PCDHA5: variants seen among roughly 807,000 people sequenced by gnomAD.
The protein encoded by PCDHA5 is protocadherin alpha-5.
Under a neutral mutation model 61.6 loss-of-function variants are expected in PCDHA5, and 43 were observed. The ratio of observed to expected loss-of-function variants is 0.70; its 90% confidence interval spans 0.55 to 0.90. PCDHA5 has a LOEUF of 0.90. PCDHA5 is among the 40% of genes least tolerant of loss of function. PCDHA5 has a pLI of 0.00. For synonymous variants in PCDHA5, 627 were observed against 543.9 expected (o/e 1.15, Z -2.13); for missense variants, 1,298 against 1,222.7 (o/e 1.06, Z -0.92).
At chr5:140,884,864 T>C (rs1048751495) in intron 1 of PCDHA5, among the ~76,000 whole-genome samples, 1 of 152,234 alleles carries the variant, frequency 6.6e-6, no homozygotes, top group African/African-American at 2.4e-5. Flanking sequence ...TCACAAACCA[T>C]AATGAAATGT....
intron 1 of PCDHA5, chr5:140,859,970 T>C (rs894279399): frequency 6.6e-6 from 1 of 152,018 alleles, no homozygotes; most frequent in Non-Finnish European, 1.5e-5. Context: ...GTCTCAGGTA[T>C]ACAAGTGCAT....
At chr5:140,998,210 A>G (rs2097801454) in intron 3 of PCDHA5, among the ~76,000 whole-genome samples, 1 of 152,218 alleles carries the variant, frequency 6.6e-6, no homozygotes, top group South Asian at 2.1e-4. Flanking sequence ...TTTAATCTGT[A>G]TAACCACACC....
At chr5:140,887,157 C>T (rs1200573671) in intron 1 of PCDHA5, among the ~76,000 whole-genome samples, 4 of 151,110 alleles carry the variant, frequency 2.6e-5, no homozygotes, top group African/African-American at 9.7e-5. Flanking sequence ...AGTACAGTGG[C>T]GTGATCTCGG....
intron 1 of PCDHA5, chr5:140,843,047 G>T (rs2150350980): frequency 1.9e-6 from 3 of 1,594,938 alleles, no homozygotes; most frequent in Non-Finnish European, 2.6e-6. Flanking sequence ...CACTGGTGGC[G>T]CAGCGAGCAA....
intron 1 of PCDHA5, chr5:140,835,766 G>C: frequency 6.2e-7 from 1 of 1,613,388 alleles, no homozygotes. Flanking sequence ...CCGAGTATAC[G>C]GTGTTCGTGA....
chr5:140,941,214 C>CTTCTTTCTTT (rs1554214039), intron 1 of PCDHA5, among the ~76,000 whole-genome samples: 1 of 122,414 alleles, frequency 8.2e-6, no homozygotes, highest in Admixed American at 8.5e-5. Context: ...TTTCTTTCTT[C>CTTCTTTCTTT]CTTTCTTTCT....
chr5:140,933,166 T>C (rs1447932546), intron 1 of PCDHA5, among the ~76,000 whole-genome samples: 1 of 152,002 alleles, frequency 6.6e-6, no homozygotes, highest in African/African-American at 2.4e-5. Context: ...CCAATTTTAA[T>C]TGATGGCATA....
intron 1 of PCDHA5, among the ~76,000 whole-genome samples, chr5:140,833,361 T>G (rs1376018154): frequency 1.3e-5 from 2 of 152,142 alleles, no homozygotes; most frequent in African/African-American, 2.4e-5. Flanking sequence ...ACGAACACAG[T>G]AAGGTAGATC....
rs782226254 is a variant in PCDHA5 at position 140,882,345 on chromosome 5, C to T, written c.2352+58218C>T. The T allele has an allele frequency of 6.8e-6, 11 of 1,614,042 alleles. No homozygotes were observed. In the Admixed American group the frequency reaches 1.5e-4, roughly 22 times the overall value. Reference sequence around the variant, plus strand: ...CTTCTGATCCTCGCAGCCTGGGAGACGGGTAGTGGCCAGCTCCACTACTCC... The same window carrying T: ...CTTCTGATCCTCGCAGCCTGGGAGATGGGTAGTGGCCAGCTCCACTACTCC... On this transcript the variant is annotated intron_variant, in intron 1 of 3. Transcript: ENST00000529859.
intron 1 of PCDHA5, chr5:140,968,319 TCAC>T: frequency 6.2e-7 from 1 of 1,613,996 alleles, no homozygotes; most frequent in East Asian, 2.2e-5. Flanking sequence ...GGGCTGCCAG[TCAC>T]CTCCTATGTC....
At chr5:140,836,828 T>G in intron 1 of PCDHA5, 1 of 958,012 alleles carries the variant, frequency 1.0e-6, no homozygotes, top group Non-Finnish European at 1.5e-6. Context: ...TCTTTTTTAG[T>G]TGATAGCTTT....
intron 1 of PCDHA5, among the ~76,000 whole-genome samples, chr5:140,878,696 A>G (rs570754583): frequency 6.6e-6 from 1 of 152,360 alleles, no homozygotes; most frequent in East Asian, 1.9e-4. Context: ...TACATACCCC[A>G]GCCTGGTAGT....
chr5:140,850,503 G>C (rs2041643123), intron 1 of PCDHA5: 1 of 1,598,290 alleles, frequency 6.3e-7, no homozygotes, highest in Non-Finnish European at 8.6e-7. Flanking sequence ...GGTGTCGCTG[G>C]TGGAGAGCGG....
intron 1 of PCDHA5, among the ~76,000 whole-genome samples, chr5:140,898,033 G>T (rs1293808474): frequency 2.6e-5 from 4 of 152,032 alleles, no homozygotes; most frequent in African/African-American, 9.7e-5. Flanking sequence ...TTTTGATGGG[G>T]TTGTTTGTTT....
At chr5:140,981,692 T>C (rs1168412872) in intron 2 of PCDHA5, among the ~76,000 whole-genome samples, 1 of 150,826 alleles carries the variant, frequency 6.6e-6, no homozygotes, top group Non-Finnish European at 1.5e-5. Flanking sequence ...CTTCCATCAT[T>C]CATTCATTCA....
At chr5:140,834,321 A>G in intron 1 of PCDHA5, 1 of 1,440,210 alleles carries the variant, frequency 6.9e-7, no homozygotes, top group African/African-American at 1.4e-5. Context: ...TGAAGGGATA[A>G]AAACATTCCT....
At chr5:140,951,448 G>A (rs892144078) in intron 1 of PCDHA5, among the ~76,000 whole-genome samples, 74 of 152,022 alleles carry the variant, frequency 4.9e-4, no homozygotes, top group African/African-American at 1.7e-3. Context: ...GCATGATGCC[G>A]GCCATCTGCT....
intron 1 of PCDHA5, chr5:140,884,314 G>T: frequency 6.2e-7 from 1 of 1,613,760 alleles, no homozygotes. Context: ...CGTCGAGGGC[G>T]TCGGCAGGCG....
chr5:140,933,314 G>A (rs925777839), intron 1 of PCDHA5, among the ~76,000 whole-genome samples: 2 of 151,914 alleles, frequency 1.3e-5, no homozygotes, highest in Non-Finnish European at 2.9e-5. Flanking sequence ...ATGCAATCTC[G>A]TATTCTCCTG....
Sources: allele counts gnomAD v4.1 joint callset (sites outside exome capture counted in the v4.1 genomes callset), GRCh38; gene constraint gnomAD v4.1.1; transcripts MANE v1.5; gene names NCBI Gene and HGNC (gene_info 2026-07-23, HGNC 2026-07-21).